Variants in DNAH5 observed in about 807,000 individuals in gnomAD.
The protein encoded by DNAH5 is axonemal beta dynein heavy chain 5.
In DNAH5, 372 loss-of-function variants were observed where a neutral mutation model predicts 518.2. That is an observed-to-expected ratio of 0.72 (90% confidence interval 0.66 to 0.78). DNAH5 has a LOEUF of 0.78. DNAH5 is among the 30% of genes least tolerant of loss of function. The probability of loss-of-function intolerance (pLI) is 0.00; values close to 1 mark genes in which losing one functional copy is unlikely to be tolerated. For missense variants in DNAH5, 5,523 were observed against 5,687.0 expected, an observed-to-expected ratio of 0.97 and a Z score of 0.93; for synonymous variants, 2,039 against 2,025.9, an observed-to-expected ratio of 1.01 and a Z score of -0.17.
Position 13,919,469 on chromosome 5 carries a change from G to A in DNAH5, c.799-117C>T, listed in dbSNP as rs12655818. 0.4 allele frequency: 478,084 copies of A among 1,202,940 alleles called. 100,563 individuals carry two copies. The highest frequency in any genetic ancestry group is 0.84 in the East Asian group (35,514 of 42,210). 74.5% of individuals were successfully genotyped at this position (1,202,940 alleles called of 1,614,324 possible). ...ATCCTATCTGGATCATGATATATGC[G>A]TATTCCATGCTTCCAATAACAATCT... On this transcript the variant is annotated intron_variant, in intron 6 of 78. Transcript: ENST00000265104.
chr5:13,762,636 G>A, intron 60 of DNAH5, 86 bp downstream of exon 60: 1 of 1,218,370 alleles, frequency 8.2e-7, no homozygotes, highest in Non-Finnish European at 1.2e-6. Context: ...AGAAGCCACA[G>A]GCACATGTGC....
At position 13,714,614 on chromosome 5, in the gene DNAH5, G is replaced by A; in HGVS notation, c.12916C>T (p.Pro4306Ser). The change falls in exon 75 of 79, where the codon CCT becomes TCT. Residue 4306 changes from proline to serine, a missense_variant. Physicochemically the swap from Pro to Ser is moderately conservative, Grantham distance 74. Around this residue, in one of 3 missense-constraint regions of DNAH5, gnomAD observed 387 missense variants for 430.0 expected, o/e 0.90. Transcript: ENST00000265104. ...AACACCTCAGGGCTGTCATAGGCAGGCAAACTCTGAACAACAGACACCCCA... is the reference window on the plus strand; with the variant it reads ...AACACCTCAGGGCTGTCATAGGCAGACAAACTCTGAACAACAGACACCCCA... ...DNYLQYIQSL[P>S]AYDSPEVFGL... 1.2e-6 allele frequency: 2 copies of A among 1,613,864 alleles called. No homozygotes were observed. Among genetic ancestry groups the A allele is most frequent in the South Asian group, 2.2e-5 (2 of 91,068 alleles).
rs1744451695 is a variant in DNAH5, at chr5:13,717,420, C to T, written c.12600G>A (p.Lys4200=). Reference sequence around the variant, plus strand: ...GGATATTCCACCCCAGGGCACCGAACTTGCGCCTCTCCTGGACAGTGGAGT... The same window carrying T: ...GGATATTCCACCCCAGGGCACCGAATTTGCGCCTCTCCTGGACAGTGGAGT... The part of the protein sequence containing the change: ...FLHSTVQERR[K]FGALGWNIPY... Residue 4200 remains lysine (K), a synonymous_variant, in exon 73 of 79, where the codon AAG becomes AAA. Coordinates refer to ENST00000265104, the MANE Select transcript of DNAH5 (RefSeq NM_001369.3). 1 of 1,614,124 alleles carries T rather than the reference C, an allele frequency of 6.2e-7. No homozygotes were observed. The highest frequency in any genetic ancestry group is 8.5e-7 in the Non-Finnish European group (1 of 1,180,010).
chr5:13,744,196 C>A (rs1369362881), intron 65 of DNAH5, among the ~76,000 whole-genome samples: 1 of 151,878 alleles, frequency 6.6e-6, no homozygotes, highest in Non-Finnish European at 1.5e-5. Context: ...ATGGATGGAA[C>A]TGGAGGTCAT....
At position 13,700,719 on chromosome 5, in the gene DNAH5, C is replaced by A. The variant is rs1741980715; in HGVS notation, c.13644G>T (p.Arg4548Ser). The change falls in exon 78 of 79, where the codon AGG becomes AGT. Residue 4548 changes from arginine to serine, a missense_variant. Coordinates refer to ENST00000265104, the MANE Select transcript of DNAH5 (RefSeq NM_001369.3). ...LYLEGAGWDK[R>S]NMKLIESKPK... is the part of the protein sequence containing the mutation. ...GCTTTGATTCAATGAGTTTCATGTT[C>A]CTCTTGTCCCAGCCAGCACCTTCAA... 1 of 1,614,016 alleles carries A rather than the reference C, an allele frequency of 6.2e-7. No individual in the cohort carries two copies. The highest frequency in any genetic ancestry group is 1.3e-5 in the African/African-American group (1 of 74,926).
intron 55 of DNAH5, among the ~76,000 whole-genome samples, chr5:13,772,732 C>G (rs936812507): frequency 6.6e-6 from 1 of 151,832 alleles, no homozygotes; most frequent in Non-Finnish European, 1.5e-5. Flanking sequence ...CAGTATCAGC[C>G]CTAGGGGCTT....
intron 15 of DNAH5, chr5:13,898,482 C>A: frequency 2.5e-6 from 1 of 398,464 alleles, no homozygotes; most frequent in South Asian, 1.3e-4. Context: ...TGAGGAATGT[C>A]TGTCCATTGC....
chr5:13,898,627 G>T (rs1465788431), intron 15 of DNAH5: 3 of 398,434 alleles, frequency 7.5e-6, no homozygotes, highest in Non-Finnish European at 1.3e-5. Context: ...CCACAGTTTT[G>T]TCATCTACGA....
At chr5:13,970,671 T>G (rs540656060) in intron 1 of DNAH5, among the ~76,000 whole-genome samples, 2 of 152,306 alleles carry the variant, frequency 1.3e-5, no homozygotes, top group African/African-American at 4.8e-5. Context: ...CTCTGATAGG[T>G]TTTCCTTTAT....
intron 68 of DNAH5, among the ~76,000 whole-genome samples, chr5:13,730,585 C>T (rs1746355350): frequency 6.6e-6 from 1 of 151,260 alleles, no homozygotes; most frequent in Non-Finnish European, 1.5e-5. Context: ...CAGGCACCCG[C>T]CACCACGCCC....
chr5:13,717,650 C>G (rs1744488799), intron 72 of DNAH5, 130 bp from the exon 73 acceptor site: 2 of 816,332 alleles, frequency 2.4e-6, no homozygotes, highest in Non-Finnish European at 4.0e-6. Flanking sequence ...TTTTATGACA[C>G]TCATGTGACA....
chr5:13,996,896 C>T (rs1485014146), intron 1 of DNAH5, among the ~76,000 whole-genome samples: 2 of 152,226 alleles, frequency 1.3e-5, no homozygotes, highest in African/African-American at 4.8e-5. Context: ...GTGGTGGTCC[C>T]AACCCCACCG....
Position 13,758,988 on chromosome 5 carries a change from A to G in DNAH5, c.10282-5T>C. 1.9e-6 allele frequency: 3 copies of G among 1,614,116 alleles called. No individual in the cohort carries two copies. The highest frequency in any genetic ancestry group is 2.5e-6 in the Non-Finnish European group (3 of 1,180,014). ...CTCTTGCACCACCAAGTTGGCCTGCACAGGACACACACAGAGTGAAGAGAT... is the reference window on the plus strand; with the variant it reads ...CTCTTGCACCACCAAGTTGGCCTGCGCAGGACACACACAGAGTGAAGAGAT... On this transcript the variant is annotated splice_region_variant and splice_polypyrimidine_tract_variant and intron_variant, in intron 60 of 78. Transcript: ENST00000265104.
chr5:13,840,531 G>A (rs1456592916), intron 34 of DNAH5, among the ~76,000 whole-genome samples: 2 of 152,138 alleles, frequency 1.3e-5, no homozygotes, highest in Admixed American at 1.3e-4. Flanking sequence ...GTCCTAAACA[G>A]CTCTACTAAG....
At chr5:13,945,601 G>T (rs1480655319), upstream of DNAH5, among the ~76,000 whole-genome samples, 1 of 151,802 alleles carries the variant, frequency 6.6e-6, no homozygotes, top group African/African-American at 2.4e-5. Flanking sequence ...TTTGTTTGCA[G>T]GATTTTTTTT....
chr5:13,859,687 A>G, intron 29 of DNAH5, 82 bp from the exon 30 acceptor site: 1 of 1,390,880 alleles, frequency 7.2e-7, no homozygotes, highest in Non-Finnish European at 1.0e-6. Context: ...TAAAAATCTT[A>G]ATTTTTAACC....
At chr5:13,934,813 T>C (rs1039352354) in intron 1 of DNAH5, among the ~76,000 whole-genome samples, 11 of 152,184 alleles carry the variant, frequency 7.2e-5, no homozygotes, top group African/African-American at 2.4e-4. Context: ...GTTTAAAAAA[T>C]AGATAATCTA....
intron 1 of DNAH5, among the ~76,000 whole-genome samples, chr5:13,938,718 A>T (rs1779189803): frequency 1.3e-5 from 2 of 152,132 alleles, no homozygotes; most frequent in Non-Finnish European, 2.9e-5. Context: ...ATCTTAAATA[A>T]CTAAAGTAAA....
intron 60 of DNAH5, among the ~76,000 whole-genome samples, chr5:13,762,441 A>G (rs998430703): frequency 2.6e-5 from 4 of 152,002 alleles, no homozygotes; most frequent in South Asian, 4.1e-4. Flanking sequence ...TTTCAAGTTA[A>G]CATTGTGGAG....
Sources: gnomAD v4.1 joint callset for allele counts (sites outside exome capture counted in the v4.1 genomes callset) on GRCh38, gnomAD v4.1.1 for gene constraint, gnomAD v4.1.1 regional missense constraint, MANE v1.5 for transcripts, NCBI Gene and HGNC (gene_info 2026-07-23, HGNC 2026-07-21) for gene names.